FARP1: variants seen among roughly 807,000 people sequenced by gnomAD.
The protein encoded by FARP1 is FERM, ARH/RhoGEF and pleckstrin domain protein 1.
FARP1 carries 52 observed loss-of-function variants against 128.8 expected under a neutral mutation model. That is an observed-to-expected ratio of 0.40 (90% confidence interval 0.32 to 0.51). The LOEUF is 0.51. Among genes scored for constraint, FARP1 ranks in the 20% least tolerant of loss-of-function variants. The pLI, the probability that FARP1 is intolerant of heterozygous loss-of-function variation, is 0.45. For missense variants in FARP1, 1,333 were observed against 1,367.9 expected, an observed-to-expected ratio of 0.97 and a Z score of 0.40; for synonymous variants, 580 against 551.8, an observed-to-expected ratio of 1.05 and a Z score of -0.72.
chr13:98,301,277 T>C (rs1885912509), intron 2 of FARP1, among the ~76,000 whole-genome samples: 1 of 152,240 alleles, frequency 6.6e-6, no homozygotes, highest in Admixed American at 6.5e-5. Flanking sequence ...GTTGGACTTG[T>C]AGGGCTTTCT....
chr13:98,446,762 C>T lies in FARP1; in HGVS notation c.3001C>T (p.His1001Tyr). The change falls in exon 26 of 27, where the codon CAC becomes TAC. Residue 1001 changes from histidine (H) to tyrosine (Y), a missense_variant. By Grantham distance (83) the His-to-Tyr change is moderately conservative. Around this residue, in one of 2 missense-constraint regions of FARP1, gnomAD observed 1,009 missense variants for 969.8 expected, o/e 1.04. Transcript: ENST00000319562. ...NIQKDYVFKLHFKSHVYYFRA... is the reference protein window; with the variant it reads ...NIQKDYVFKLYFKSHVYYFRA... The stretch of plus-strand genomic sequence containing the variant: ...CCAGAAAGACTACGTGTTCAAGCTG[C>T]ACTTCAAGTCCCACGTCTACTACTT... The T allele has an allele frequency of 1.2e-6, 2 of 1,614,186 alleles. No homozygotes were observed.
chr13:98,305,203 A>T (rs11618002), intron 2 of FARP1, among the ~76,000 whole-genome samples: 4 of 151,556 alleles, frequency 2.6e-5, no homozygotes, highest in Non-Finnish European at 5.9e-5. Context: ...ACTAACAACA[A>T]CTTGTATTTG....
chr13:98,205,765 T>C (rs1314271544), intron 1 of FARP1, among the ~76,000 whole-genome samples: 1 of 152,184 alleles, frequency 6.6e-6, no homozygotes, highest in Non-Finnish European at 1.5e-5. Flanking sequence ...TTTTCACCAG[T>C]GCATATTTCC....
At chr13:98,273,116 A>G (rs2139589217) in intron 2 of FARP1, among the ~76,000 whole-genome samples, 1 of 152,292 alleles carries the variant, frequency 6.6e-6, no homozygotes, top group African/African-American at 2.4e-5. Flanking sequence ...CAAGGTTAGT[A>G]TGCGTTGGTT....
At chr13:98,213,186 C>G in intron 1 of FARP1, 34 bp from the exon 2 acceptor site, 1 of 1,563,684 alleles carries the variant, frequency 6.4e-7, no homozygotes, top group Non-Finnish European at 8.7e-7. Flanking sequence ...GTCTCCTATT[C>G]TGATGTGTTT....
intron 1 of FARP1, among the ~76,000 whole-genome samples, chr13:98,195,534 C>T (rs999523879): frequency 9.9e-5 from 15 of 152,104 alleles, no homozygotes; most frequent in Non-Finnish European, 1.6e-4. Context: ...AGACTTCAGG[C>T]GGGGCATCCA....
intron 2 of FARP1, among the ~76,000 whole-genome samples, chr13:98,342,136 A>C (rs1379362673): frequency 6.6e-6 from 1 of 152,180 alleles, no homozygotes; most frequent in African/African-American, 2.4e-5. Context: ...TCTCGATGAG[A>C]TACTGCACAG....
chr13:98,448,325 A>G lies in FARP1; in HGVS notation c.*8A>G. The G allele has an allele frequency of 6.2e-7, 1 of 1,606,658 alleles. No individual in the cohort carries two copies. Among genetic ancestry groups the G allele is most frequent in the Non-Finnish European group, 8.5e-7 (1 of 1,173,118 alleles). On this transcript the variant is annotated 3_prime_UTR_variant, in exon 27 of 27. Coordinates refer to ENST00000319562, the MANE Select transcript of FARP1 (RefSeq NM_005766.4). Reference sequence around the variant, plus strand: ...GAGTCTCTTGTGTATTGATGGCCGGACACACTCGTTTCCGCAGTGGCTGCT... The same window carrying G: ...GAGTCTCTTGTGTATTGATGGCCGGGCACACTCGTTTCCGCAGTGGCTGCT...
At chr13:98,389,577 A>G (rs1890228900) in intron 9 of FARP1, 1 of 168,142 alleles carries the variant, frequency 5.9e-6, no homozygotes, top group Non-Finnish European at 1.3e-5. Flanking sequence ...GAAGAGGATG[A>G]ACGTTGCGTT....
At chr13:98,285,246 A>G (rs1396824109) in intron 2 of FARP1, among the ~76,000 whole-genome samples, 1 of 152,170 alleles carries the variant, frequency 6.6e-6, no homozygotes, top group Non-Finnish European at 1.5e-5. Context: ...ATTTTAAAAT[A>G]TGGAATCCCT....
At chr13:98,267,368 A>G (rs1442283998) in intron 2 of FARP1, among the ~76,000 whole-genome samples, 1 of 152,030 alleles carries the variant, frequency 6.6e-6, no homozygotes, top group Non-Finnish European at 1.5e-5. Flanking sequence ...GGCCGAGCCC[A>G]TTTTCCCTTC....
intron 8 of FARP1, chr13:98,386,081 C>G: frequency 2.4e-6 from 1 of 413,518 alleles, no homozygotes; most frequent in East Asian, 4.6e-5. Context: ...ACATGTAGCT[C>G]TCCATGGACC....
chr13:98,287,059 CAG>C lies in FARP1; in HGVS notation c.172-56701_172-56700del, dbSNP rs1029065934. On this transcript the variant is annotated intron_variant, in intron 2 of 26. Coordinates refer to ENST00000319562, the MANE Select transcript of FARP1 (RefSeq NM_005766.4). ...ATGACATGCTCCCAATAAAACAAAACAGAAACCAGTTTCTGCTATAGTCACTG... is the reference window on the plus strand; with the variant it reads ...ATGACATGCTCCCAATAAAACAAAACAAACCAGTTTCTGCTATAGTCACTG... Among the ~76,000 whole-genome samples the C allele has an allele frequency of 2.0e-5, 3 of 152,144 alleles. No individual in the cohort carries two copies. In the East Asian group the frequency reaches 5.8e-4, roughly 29 times the overall value.
intron 3 of FARP1, among the ~76,000 whole-genome samples, chr13:98,363,544 C>T (rs9517273): frequency 0.39 from 58,500 of 151,900 alleles, 12,994 homozygotes; most frequent in Non-Finnish European, 0.53. Context: ...TCTGACCTGC[C>T]CATCCCTGGG....
At chr13:98,180,418 AACC>A (rs1293201776) in intron 1 of FARP1, among the ~76,000 whole-genome samples, 4 of 152,158 alleles carry the variant, frequency 2.6e-5, no homozygotes, top group Non-Finnish European at 5.9e-5. Context: ...CTCCAACACT[AACC>A]ACATTTCAAC....
intron 2 of FARP1, chr13:98,244,799 T>A: frequency 6.5e-7 from 1 of 1,548,768 alleles, no homozygotes; most frequent in Non-Finnish European, 8.7e-7. Flanking sequence ...ATTAACACAT[T>A]TCAGTGCCCA....
intron 3 of FARP1, among the ~76,000 whole-genome samples, chr13:98,353,166 C>T (rs9556934): frequency 0.67 from 101,099 of 151,734 alleles, 34,970 homozygotes; most frequent in Non-Finnish European, 0.79. Context: ...TAAGACTAAA[C>T]TCTGGCGTAT....
chr13:98,207,907 TCCACACAC>T (rs1462983141), intron 1 of FARP1, among the ~76,000 whole-genome samples: 30 of 33,150 alleles, frequency 9.0e-4, no homozygotes, highest in African/African-American at 3.5e-3. Context: ...GACCACCACC[TCCACACAC>T]ACACACACAC....
At chr13:98,389,140 T>C (rs1890209567) in intron 9 of FARP1, among the ~76,000 whole-genome samples, 1 of 152,220 alleles carries the variant, frequency 6.6e-6, no homozygotes. Context: ...GTAGCTACAG[T>C]CTGGGTTCAG....
Sources: gnomAD v4.1 joint callset for allele counts (sites outside exome capture counted in the v4.1 genomes callset) on GRCh38, gnomAD v4.1.1 for gene constraint, gnomAD v4.1.1 regional missense constraint, MANE v1.5 for transcripts, NCBI Gene and HGNC (gene_info 2026-07-23, HGNC 2026-07-21) for gene names.